The following MIDEAS variants were observed in gnomAD, a reference collection of about 807,000 sequenced individuals.
MIDEAS encodes the protein mitotic deacetylase-associated SANT domain protein.
MIDEAS carries 26 observed loss-of-function variants against 102.7 expected under a neutral mutation model. The ratio of observed to expected loss-of-function variants is 0.25; its 90% CI spans 0.19 to 0.35. MIDEAS has a LOEUF of 0.35. Among genes scored for constraint, MIDEAS ranks in the 10% least tolerant of loss-of-function variants. The probability of loss-of-function intolerance (pLI) is 1.00; values close to 1 mark genes in which losing one functional copy is unlikely to be tolerated. For synonymous variants in MIDEAS, 585 were observed against 591.0 expected (o/e 0.99, Z 0.15); for missense variants, 1,231 against 1,435.6 (o/e 0.86, Z 2.30).
intron 1 of MIDEAS, among the ~76,000 whole-genome samples, chr14:73,756,295 T>TGTGC (rs55692592): frequency 0.018 from 2,307 of 127,694 alleles, 46 homozygotes; most frequent in African/African-American, 0.049. Context: ...TGTGTGTGTG[T>TGTGC]GCGCGCGCGC....
rs1797067172 is a variant in MIDEAS, at chr14:73,722,845, G to T, written c.2577C>A (p.Ile859=). 1 of 1,613,848 alleles carries T rather than the reference G, an allele frequency of 6.2e-7. No homozygotes were observed. Among genetic ancestry groups the T allele is most frequent in the Admixed American group, 1.7e-5 (1 of 59,986 alleles). The change falls in exon 10 of 13, where the codon ATC becomes ATA. Residue 859 remains isoleucine, a splice_region_variant and synonymous_variant. Transcript: ENST00000423556. ...KKDFFLVQKL[I]QTKTVAQCVE... ...CGCACTGGGCCACGGTCTTGGTCTG[G>T]ATCTGGTTTGAAGTCAAAACTGAGG...
intron 1 of MIDEAS, among the ~76,000 whole-genome samples, chr14:73,784,256 C>T (rs904265296): frequency 2.0e-5 from 3 of 152,236 alleles, no homozygotes; most frequent in African/African-American, 7.2e-5. Flanking sequence ...TTAAAACCAC[C>T]ATTTAGGTAA....
In MIDEAS at chr14:73,744,276, G is replaced by A. The variant is rs147754266; in HGVS notation, c.-247-4021C>T. On this transcript the variant is annotated intron_variant, in intron 1 of 12. Transcript: ENST00000423556. The stretch of plus-strand genomic sequence containing the variant: ...AGAAGCCAGAGAGCCATCACCACAG[G>A]GCAAGGGGCCAGACTGTGGCCACTG... Among the ~76,000 whole-genome samples the A allele has an allele frequency of 1.1e-3, 168 of 152,300 alleles. 2 individuals are homozygous for A. The highest frequency in any genetic ancestry group is 6.8e-3 in the Middle Eastern group (2 of 294).
At position 73,727,491 on chromosome 14, in the gene MIDEAS, A is replaced by G; in HGVS notation, c.2129T>C (p.Val710Ala). 6.2e-7 allele frequency: 1 copy of G among 1,613,614 alleles called. No homozygotes were observed. ...SAEVTPPVLS[V>A]MGEATPVSIE... Reference sequence around the variant, plus strand: ...GCTCACTGGGGTGGCCTCCCCCATCACAGAGAGGACAGGCGGGGTTACTTC... The same window carrying G: ...GCTCACTGGGGTGGCCTCCCCCATCGCAGAGAGGACAGGCGGGGTTACTTC... Residue 710 changes from valine to alanine, a missense_variant, in exon 5 of 13, where the codon GTG (valine) becomes GCG (alanine). Physicochemically the swap from Val to Ala is moderately conservative, Grantham distance 64. Coordinates refer to ENST00000423556, the MANE Select transcript of MIDEAS (RefSeq NM_001367710.1).
intron 11 of MIDEAS, among the ~76,000 whole-genome samples, chr14:73,720,015 T>C (rs1006700991): frequency 1.3e-5 from 2 of 151,366 alleles, no homozygotes; most frequent in African/African-American, 4.9e-5. Context: ...GGGGTCAGAG[T>C]GCAGAGCAGA....
intron 1 of MIDEAS, among the ~76,000 whole-genome samples, chr14:73,754,436 A>T (rs989792517): frequency 4.6e-5 from 7 of 152,206 alleles, no homozygotes; most frequent in African/African-American, 1.7e-4. Flanking sequence ...AGGAGCCAAG[A>T]CAGTATTCCT....
At chr14:73,776,896 C>A (rs1472617484) in intron 1 of MIDEAS, among the ~76,000 whole-genome samples, 1 of 151,940 alleles carries the variant, frequency 6.6e-6, no homozygotes, top group Non-Finnish European at 1.5e-5. Context: ...GACGGTGAAA[C>A]CCCATCTCTA....
intron 1 of MIDEAS, among the ~76,000 whole-genome samples, chr14:73,748,757 A>T (rs1417308954): frequency 8.2e-6 from 1 of 122,494 alleles, no homozygotes; most frequent in Non-Finnish European, 1.7e-5. Flanking sequence ...CAACAGAGCT[A>T]GACTCCGTCT....
chr14:73,721,450 C>A lies in MIDEAS; in HGVS notation c.2784G>T (p.Arg928Ser), dbSNP rs773242120. Residue 928 changes from arginine to serine, a missense_variant, in exon 11 of 13, where the codon AGG becomes AGT. Coordinates refer to ENST00000423556, the MANE Select transcript of MIDEAS (RefSeq NM_001367710.1). Reference protein sequence around the residue: ...LPRRESPSEERLEPKREVKEP... With the variant: ...LPRRESPSEESLEPKREVKEP... ...CCTTCACCTCCCTCTTGGGCTCCAGCCTCTCTTCACTTGGGGACTCTCTTC... is the reference window on the plus strand; with the variant it reads ...CCTTCACCTCCCTCTTGGGCTCCAGACTCTCTTCACTTGGGGACTCTCTTC... 1.2e-6 allele frequency: 2 copies of A among 1,614,144 alleles called. No individual in the cohort carries two copies. The highest frequency in any genetic ancestry group is 3.3e-5 in the Admixed American group (2 of 60,022).
At chr14:73,779,286 T>C (rs2140176713) in intron 1 of MIDEAS, among the ~76,000 whole-genome samples, 1 of 150,032 alleles carries the variant, frequency 6.7e-6, no homozygotes, top group African/African-American at 2.4e-5. Context: ...TCCCAGCTAC[T>C]CAGGAGGGTG....
At chr14:73,746,692 G>A (rs2053356319) in intron 1 of MIDEAS, among the ~76,000 whole-genome samples, 1 of 138,322 alleles carries the variant, frequency 7.2e-6, no homozygotes, top group African/African-American at 3.0e-5. Flanking sequence ...GAGCACCCCA[G>A]TGCCAGACTC....
chr14:73,738,928 C>A lies in MIDEAS; in HGVS notation c.1081G>T (p.Asp361Tyr). ...TGCCCAGGCTGGGTGCCAGCCCCAT[C>A]CAGGGCGCTGGGAGGCAGGATACCC... ...KEGILPPSAL[D>Y]GAGTQPGQEA... The change falls in exon 2 of 13, where the codon GAT becomes TAT. Residue 361 changes from aspartate to tyrosine, a missense_variant. Asp to Tyr is a radical substitution (Grantham distance 160). This residue lies in a region of MIDEAS where 758 missense variants were observed against 856.0 expected (regional missense o/e 0.89). Coordinates refer to ENST00000423556, the MANE Select transcript of MIDEAS (RefSeq NM_001367710.1). 6.5e-7 allele frequency: 1 copy of A among 1,528,000 alleles called. No homozygotes were observed. The allele number at this position is 1,528,000 out of a possible 1,614,324, so 94.7% of individuals were successfully genotyped here.
At position 73,742,075 on chromosome 14, in the gene MIDEAS, G is replaced by A. The variant is rs2053287908; in HGVS notation, c.-247-1820C>T. 6.6e-6 allele frequency among the ~76,000 whole-genome samples: 1 copy of A among 152,194 alleles called. No individual in the cohort carries two copies. Among genetic ancestry groups the A allele is most frequent in the Non-Finnish European group, 1.5e-5 (1 of 68,030 alleles). The stretch of plus-strand genomic sequence containing the variant: ...TAAACCCTGCACTGAAAATCACCCT[G>A]GGCACCCCCATGAAGCTGCAGGGTG... On this transcript the variant is annotated intron_variant, in intron 1 of 12. Transcript: ENST00000423556. The surrounding 1 kb of genome is among the most constrained non-coding windows in gnomAD (Gnocchi z 4.4).
In MIDEAS at chr14:73,739,040, C is replaced by T. The variant is rs1409975145; in HGVS notation, c.969G>A (p.Lys323=). Residue 323 remains lysine, a synonymous_variant, in exon 2 of 13, where the codon AAG becomes AAA. Coordinates refer to ENST00000423556, the MANE Select transcript of MIDEAS (RefSeq NM_001367710.1). ...GCGGGGCTGAGTCCTGCAGAAGGGC[C>T]TTGCGCAGTTCTGGGTTCATATCTG... ...PNPDMNPELR[K]ALLQDSAPQP... is the part of the protein sequence containing the mutation. 9 of 1,555,518 alleles carry T rather than the reference C, an allele frequency of 5.8e-6. No individual in the cohort carries two copies. In the East Asian group the frequency reaches 1.8e-4, roughly 31 times the overall value.
chr14:73,785,950 G>T (rs2053803591), intron 1 of MIDEAS, among the ~76,000 whole-genome samples: 3 of 152,258 alleles, frequency 2.0e-5, no homozygotes, highest in Admixed American at 1.3e-4. Context: ...GGCATTTGCA[G>T]TGCAAAGCTG....
chr14:73,725,013 G>T lies in MIDEAS; in HGVS notation c.2574+259C>A. ...TCCTCCTGCCTATTTTAAGTCTGATGCCCACTTAGGCCTCCTTCTGGATTG... is the reference window on the plus strand; with the variant it reads ...TCCTCCTGCCTATTTTAAGTCTGATTCCCACTTAGGCCTCCTTCTGGATTG... On this transcript the variant is annotated intron_variant, in intron 9 of 12. Transcript: ENST00000423556. The surrounding 1 kb of genome is among the most constrained non-coding windows in gnomAD (Gnocchi z 4.1). The T allele has an allele frequency of 5.7e-6, 2 of 353,420 alleles. No homozygotes were observed. The highest frequency in any genetic ancestry group is 1.1e-5 in the Non-Finnish European group (2 of 182,984). The allele number at this position is 353,420 out of a possible 1,614,324, so 21.9% of individuals were successfully genotyped here. A position where few individuals can be genotyped will look rare whatever the true frequency, so the allele number is the denominator to read the frequency against.
rs1300373384 is a variant in MIDEAS at position 73,739,913 on chromosome 14, C to A, written c.96G>T (p.Leu32=). 2 of 1,544,578 alleles carry A rather than the reference C, an allele frequency of 1.3e-6. No individual in the cohort carries two copies. The highest frequency in any genetic ancestry group is 2.3e-5 in the East Asian group (1 of 44,114). Residue 32 remains leucine (L), a synonymous_variant, in exon 2 of 13, where the codon CTG becomes CTT. Transcript: ENST00000423556. ...CTCTGATGGACTGCTGGGGGGGCTGCAGGGGAGGGGGCTGCTCCTTGGGAG... is the reference window on the plus strand; with the variant it reads ...CTCTGATGGACTGCTGGGGGGGCTGAAGGGGAGGGGGCTGCTCCTTGGGAG... ...EPAPKEQPPP[L]QPPQQSIRVK... is the part of the protein sequence containing the mutation.
intron 1 of MIDEAS, among the ~76,000 whole-genome samples, chr14:73,778,642 G>A (rs2053714719): frequency 6.6e-6 from 1 of 151,918 alleles, no homozygotes; most frequent in Non-Finnish European, 1.5e-5. Context: ...TTCCTTGCAA[G>A]CTTCTTATAG....
chr14:73,780,123 C>G (rs975280893), intron 1 of MIDEAS, among the ~76,000 whole-genome samples: 9 of 151,076 alleles, frequency 6.0e-5, no homozygotes, highest in African/African-American at 2.2e-4. Flanking sequence ...ATCCACCAGC[C>G]TCGGCCTCCC....
Sources: allele counts gnomAD v4.1 joint callset (sites outside exome capture counted in the v4.1 genomes callset), GRCh38; gene constraint gnomAD v4.1.1; regional missense constraint gnomAD v4.1.1; non-coding constraint Gnocchi (gnomAD v3.1); transcripts MANE v1.5; gene names NCBI Gene and HGNC (gene_info 2026-07-23, HGNC 2026-07-21).